The following YWHAQ variants were observed in gnomAD, a reference collection of about 807,000 sequenced individuals.
YWHAQ encodes 14-3-3 protein theta.
Under a neutral mutation model 28.3 loss-of-function variants are expected in YWHAQ, and 6 were observed. That is an observed-to-expected ratio of 0.21 (90% CI 0.12 to 0.42). YWHAQ has a LOEUF of 0.42. YWHAQ is among the 10% of genes least tolerant of loss of function. YWHAQ has a pLI of 1.00. For synonymous variants in YWHAQ, 143 were observed against 119.1 expected (o/e 1.20, Z -1.31); for missense variants, 201 against 305.6 (o/e 0.66, Z 2.55).
At chr2:9,617,518 G>A (rs1001378310) in intron 2 of YWHAQ, among the ~76,000 whole-genome samples, 19 of 152,282 alleles carry the variant, frequency 1.2e-4, no homozygotes, top group Middle Eastern at 6.8e-3. Flanking sequence ...ATGAAGAGTT[G>A]CAGACGATGG....
At chr2:9,586,981 T>C (rs548577753) in intron 5 of YWHAQ, among the ~76,000 whole-genome samples, 1 of 152,158 alleles carries the variant, frequency 6.6e-6, no homozygotes, top group African/African-American at 2.4e-5. Flanking sequence ...AGGTATAGGT[T>C]TACTCCCTAA....
At chr2:9,604,529 C>T (rs1666779064) in intron 2 of YWHAQ, among the ~76,000 whole-genome samples, 1 of 152,212 alleles carries the variant, frequency 6.6e-6, no homozygotes, top group African/African-American at 2.4e-5. Context: ...CCCTTGAACA[C>T]AGGTTTGAAC....
At position 9,585,048 on chromosome 2, in the gene YWHAQ, G is replaced by T; in HGVS notation, c.*238C>A. 1.9e-6 allele frequency: 1 copy of T among 513,174 alleles called. No individual in the cohort carries two copies. The highest frequency in any genetic ancestry group is 3.5e-6 in the Non-Finnish European group (1 of 283,422). The allele number at this position is 513,174 out of a possible 1,614,324, so 31.8% of individuals were successfully genotyped here. On this transcript the variant is annotated 3_prime_UTR_variant, in exon 6 of 6. Transcript: ENST00000238081. ...ACATAAGTGTTTGGGAGTTACTTAT[G>T]TTTATATGAAATGAAGCTATTAATA...
rs118046587 is a variant in YWHAQ, at chr2:9,609,490, T to A, written c.295-17975A>T. On this transcript the variant is annotated intron_variant, in intron 2 of 5. Coordinates refer to ENST00000238081, the MANE Select transcript of YWHAQ (RefSeq NM_006826.4). ...CTATTTCAGGAGAGAACAGAAAGAA[T>A]GAAGATGAGATGTTATTCTGGGATA... is the stretch of plus-strand genomic sequence containing the variant. 9.1e-4 allele frequency among the ~76,000 whole-genome samples: 138 copies of A among 152,058 alleles called. 4 individuals carry two copies. The East Asian group carries it at 0.012, about 13-fold the overall frequency.
chr2:9,602,829 TAAAAAAAAAAAAAAA>T (rs869073430), intron 2 of YWHAQ, among the ~76,000 whole-genome samples: 136 of 37,000 alleles, frequency 3.7e-3, no homozygotes, highest in African/African-American at 5.5e-3. Context: ...ATGCCTAATT[TAAAAAAAAAAAAAAA>T]AAAAAAAAAA....
At chr2:9,587,318 C>T (rs1558540240) in intron 5 of YWHAQ, 96 bp downstream of exon 5, 9 of 1,066,720 alleles carry the variant, frequency 8.4e-6, no homozygotes, top group Admixed American at 2.6e-5. Context: ...ACTTTCAGCT[C>T]GTATGTATCT....
intron 2 of YWHAQ, among the ~76,000 whole-genome samples, chr2:9,598,011 T>TTTTTTTTG (rs1397521514): frequency 0.029 from 4,018 of 136,950 alleles, 170 homozygotes; most frequent in Non-Finnish European, 0.048. Context: ...TTTTTTTTTT[T>TTTTTTTTG]TTAGTAGAGA....
intron 3 of YWHAQ, among the ~76,000 whole-genome samples, 199 bp downstream of exon 3, chr2:9,591,192 AT>A (rs751175981): frequency 1.3e-5 from 2 of 152,164 alleles, no homozygotes; most frequent in African/African-American, 4.8e-5. Flanking sequence ...GATGAGCTTA[AT>A]TTTTTTAAAG....
At chr2:9,611,929 A>G (rs1666957183) in intron 2 of YWHAQ, among the ~76,000 whole-genome samples, 2 of 152,224 alleles carry the variant, frequency 1.3e-5, no homozygotes, top group Admixed American at 1.3e-4. Flanking sequence ...TTGGCCTCCC[A>G]AAGCGCTGGA....
At chr2:9,606,968 T>TC (rs1666843502) in intron 2 of YWHAQ, among the ~76,000 whole-genome samples, 1 of 151,088 alleles carries the variant, frequency 6.6e-6, no homozygotes, top group Non-Finnish European at 1.5e-5. Flanking sequence ...CACTGCAACC[T>TC]CCACCTCCCG....
At chr2:9,608,735 G>T (rs1034616014) in intron 2 of YWHAQ, among the ~76,000 whole-genome samples, 4 of 152,188 alleles carry the variant, frequency 2.6e-5, no homozygotes, top group African/African-American at 9.7e-5. Flanking sequence ...GATCACTTGA[G>T]GTCAGGAGTT....
At chr2:9,624,813 C>G (rs2125074579) in intron 2 of YWHAQ, among the ~76,000 whole-genome samples, 1 of 151,982 alleles carries the variant, frequency 6.6e-6, no homozygotes, top group South Asian at 2.1e-4. Flanking sequence ...ATGGCACAAT[C>G]TCGCCTCACT....
At chr2:9,592,954 T>C (rs984678710) in intron 2 of YWHAQ, among the ~76,000 whole-genome samples, 13 of 152,252 alleles carry the variant, frequency 8.5e-5, no homozygotes, top group African/African-American at 2.9e-4. Context: ...CTAGGAAAAG[T>C]GAAACTAGTG....
At chr2:9,590,008 T>C (rs147871899) in intron 3 of YWHAQ, among the ~76,000 whole-genome samples, 2 of 152,334 alleles carry the variant, frequency 1.3e-5, no homozygotes, top group Admixed American at 1.3e-4. Context: ...AATCCCTGAC[T>C]GGTACAGCCC....
intron 5 of YWHAQ, among the ~76,000 whole-genome samples, chr2:9,586,103 G>A (rs1666339079): frequency 6.6e-6 from 1 of 152,152 alleles, no homozygotes; most frequent in African/African-American, 2.4e-5. Flanking sequence ...CAATTTTCAA[G>A]TGTGTGAAGG....
chr2:9,611,272 A>G (rs1666943264), intron 2 of YWHAQ, among the ~76,000 whole-genome samples: 1 of 152,240 alleles, frequency 6.6e-6, no homozygotes, highest in Non-Finnish European at 1.5e-5. Flanking sequence ...TACCACACTT[A>G]CTAAACAATT....
At chr2:9,596,556 T>C (rs1169874866) in intron 2 of YWHAQ, among the ~76,000 whole-genome samples, 1 of 152,214 alleles carries the variant, frequency 6.6e-6, no homozygotes, top group East Asian at 1.9e-4. Flanking sequence ...CTGAGGTTCA[T>C]TAGCAAACAC....
At chr2:9,587,373 T>A (rs181531681) in intron 5 of YWHAQ, 41 bp downstream of exon 5, 1 of 1,552,572 alleles carries the variant, frequency 6.4e-7, no homozygotes, top group East Asian at 2.3e-5. Context: ...AATACTTTTG[T>A]TTCTGAAAAG....
At chr2:9,599,852 T>C (rs1232654076) in intron 2 of YWHAQ, among the ~76,000 whole-genome samples, 1 of 152,224 alleles carries the variant, frequency 6.6e-6, no homozygotes, top group African/African-American at 2.4e-5. Flanking sequence ...AGTGGAATTA[T>C]TTAAGAAATA....
Sources: allele counts gnomAD v4.1 joint callset (sites outside exome capture counted in the v4.1 genomes callset), GRCh38; gene constraint gnomAD v4.1.1; transcripts MANE v1.5; gene names NCBI Gene and HGNC (gene_info 2026-07-23, HGNC 2026-07-21).